The following SLC14A2 variants were observed in gnomAD, a reference collection of about 807,000 sequenced individuals.
SLC14A2 encodes solute carrier family 14 member 2.
In SLC14A2, 91 loss-of-function variants were observed where a neutral mutation model predicts 104.6. The ratio of observed to expected loss-of-function variants is 0.87; its 90% CI spans 0.73 to 1.04. The LOEUF (loss-of-function observed/expected upper bound fraction) is 1.04, where lower values mean the gene tolerates loss of function less well. Ranked by LOEUF, SLC14A2 falls within the 50% of genes least tolerant of loss-of-function variation. The pLI, the probability that SLC14A2 is intolerant of heterozygous loss-of-function variation, is 0.00. For synonymous variants in SLC14A2, 476 were observed against 466.4 expected (o/e 1.02, Z -0.27); for missense variants, 1,189 against 1,156.0 (o/e 1.03, Z -0.41).
chr18:45,679,060 T>A, intron 19 of SLC14A2, 36 bp downstream of exon 19: 1 of 1,596,664 alleles, frequency 6.3e-7, no homozygotes. Flanking sequence ...GCCTACAACA[T>A]CCTTCCTGGT....
intron 10 of SLC14A2, among the ~76,000 whole-genome samples, chr18:45,650,262 C>CTTTAGTTTAAAA (rs1357161448): frequency 4.1e-4 from 63 of 152,204 alleles, no homozygotes; most frequent in African/African-American, 1.5e-3. Flanking sequence ...GTTTAAAAAT[C>CTTTAGTTTAAAA]ATGTTTTTAG....
chr18:45,346,578 G>A (rs1481947954), intron 1 of SLC14A2, among the ~76,000 whole-genome samples: 1 of 152,092 alleles, frequency 6.6e-6, no homozygotes, highest in Non-Finnish European at 1.5e-5. Context: ...TCTTTTTAGT[G>A]GCATCTTCTG....
At chr18:45,604,894 G>A (rs184580051) in intron 2 of SLC14A2, among the ~76,000 whole-genome samples, 4 of 152,248 alleles carry the variant, frequency 2.6e-5, no homozygotes, top group Admixed American at 2.0e-4. Context: ...AGGTGGTGAT[G>A]AGCTCACAAT....
chr18:45,283,574 TATG>T (rs1313384256), intron 1 of SLC14A2, among the ~76,000 whole-genome samples: 1 of 152,248 alleles, frequency 6.6e-6, no homozygotes, highest in African/African-American at 2.4e-5. Context: ...AGCTCATTAA[TATG>T]ATGTGTGAAA....
intron 1 of SLC14A2, among the ~76,000 whole-genome samples, chr18:45,327,978 G>T (rs2085252694): frequency 6.6e-6 from 1 of 152,176 alleles, no homozygotes; most frequent in African/African-American, 2.4e-5. Flanking sequence ...TATCATGTTT[G>T]TATGGGGATA....
At chr18:45,322,036 C>T (rs7237237) in intron 1 of SLC14A2, among the ~76,000 whole-genome samples, 25,258 of 152,082 alleles carry the variant, frequency 0.17, 2,220 homozygotes, top group South Asian at 0.2. Context: ...CTGTCAGTGA[C>T]GTTTTTGATG....
At chr18:45,548,165 T>C (rs988029277) in intron 2 of SLC14A2, among the ~76,000 whole-genome samples, 1 of 152,168 alleles carries the variant, frequency 6.6e-6, no homozygotes, top group South Asian at 2.1e-4. Flanking sequence ...TGTTGTCCAG[T>C]GGAAGTTCTT....
At chr18:45,368,381 C>T (rs1322108823) in intron 1 of SLC14A2, among the ~76,000 whole-genome samples, 1 of 152,100 alleles carries the variant, frequency 6.6e-6, no homozygotes, top group Admixed American at 6.5e-5. Context: ...CCTTGCACAC[C>T]AAGAACTCAG....
chr18:45,514,135 T>C (rs1223383823), intron 2 of SLC14A2, among the ~76,000 whole-genome samples: 2 of 152,160 alleles, frequency 1.3e-5, no homozygotes, highest in Non-Finnish European at 2.9e-5. Context: ...TACACTGCTA[T>C]AAAGACATGC....
chr18:45,344,354 C>A (rs1599692064), intron 1 of SLC14A2, among the ~76,000 whole-genome samples: 2 of 152,198 alleles, frequency 1.3e-5, no homozygotes, highest in Admixed American at 1.3e-4. Context: ...CAACTTCCAA[C>A]ACCAGCCAAA....
chr18:45,359,392 G>A (rs1010905487), intron 1 of SLC14A2, among the ~76,000 whole-genome samples: 3 of 152,176 alleles, frequency 2.0e-5, no homozygotes, highest in African/African-American at 7.2e-5. Flanking sequence ...CTCCTCCTCT[G>A]CCTCTCTGCA....
chr18:45,358,954 C>G (rs574240795), intron 1 of SLC14A2, among the ~76,000 whole-genome samples: 1 of 152,328 alleles, frequency 6.6e-6, no homozygotes, highest in East Asian at 1.9e-4. Flanking sequence ...CTTTGAATAT[C>G]AGATCCAAAC....
rs140601778 is a variant in SLC14A2 at position 45,430,890 on chromosome 18, T to C, written c.-124-52343T>C. ...TCTGTGGATCCATGGAGCTGATGAC[T>C]GGAATGGACACCCAGGGAGACCTTT... is the stretch of plus-strand genomic sequence containing the variant. On this transcript the variant is annotated intron_variant, in intron 1 of 20. Coordinates refer to the SLC14A2 transcript ENST00000586448. Among the ~76,000 whole-genome samples, 71 of 152,298 alleles carry C rather than the reference T, an allele frequency of 4.7e-4. 1 individual carries two copies. The East Asian group carries it at 0.012, about 25-fold the overall frequency.
intron 1 of SLC14A2, among the ~76,000 whole-genome samples, chr18:45,452,174 TAGA>T (rs2086868999): frequency 2.0e-5 from 3 of 152,290 alleles, no homozygotes; most frequent in Admixed American, 2.0e-4. Flanking sequence ...CAAGACACTG[TAGA>T]AGTTTAGCCA....
chr18:45,386,624 C>T (rs1164837513), intron 1 of SLC14A2, among the ~76,000 whole-genome samples: 1 of 152,194 alleles, frequency 6.6e-6, no homozygotes, highest in African/African-American at 2.4e-5. Context: ...ACACATAGCG[C>T]AGACTCCTCC....
At position 45,240,670 on chromosome 18, in the gene SLC14A2, C is replaced by T. The variant is rs192871109; in HGVS notation, c.-125+27479C>T. Among the ~76,000 whole-genome samples the T allele has an allele frequency of 6.3e-3, 930 of 147,494 alleles. 18 individuals carry two copies. The highest frequency in any genetic ancestry group is 0.023 in the African/African-American group (880 of 38,884). The stretch of plus-strand genomic sequence containing the variant: ...TTTTTGTTTTTGTTTTTGGTTTTGC[C>T]TTTTTGAGACGGAGTCTTGTTCTGT... On this transcript the variant is annotated intron_variant, in intron 1 of 20. Transcript: ENST00000586448.
At chr18:45,585,853 A>T (rs1195618719) in intron 2 of SLC14A2, among the ~76,000 whole-genome samples, 1 of 152,196 alleles carries the variant, frequency 6.6e-6, no homozygotes, top group Non-Finnish European at 1.5e-5. Flanking sequence ...AGAGTCCTTG[A>T]GTGCCTGTTC....
intron 1 of SLC14A2, among the ~76,000 whole-genome samples, chr18:45,439,792 C>T (rs1184872054): frequency 6.6e-6 from 1 of 152,106 alleles, no homozygotes; most frequent in Admixed American, 6.5e-5. Flanking sequence ...TTGCAAGAAC[C>T]CAACAGAGAA....
rs538994341 is a variant in SLC14A2 at position 45,595,067 on chromosome 18, C to T, written c.-34-29564C>T. On this transcript the variant is annotated intron_variant, in intron 2 of 20. Transcript: ENST00000586448. ...CATGAAACCTTTCCACATTAACCACCCGGAAATCCAACCATCTCATTTACT... is the reference window on the plus strand; with the variant it reads ...CATGAAACCTTTCCACATTAACCACTCGGAAATCCAACCATCTCATTTACT... 5.3e-5 allele frequency among the ~76,000 whole-genome samples: 8 copies of T among 152,326 alleles called. No homozygotes were observed. The East Asian group carries it at 1.5e-3, about 29-fold the overall frequency.
Sources: allele counts gnomAD v4.1 joint callset (sites outside exome capture counted in the v4.1 genomes callset), GRCh38; gene constraint gnomAD v4.1.1; transcripts MANE v1.5; gene names NCBI Gene and HGNC (gene_info 2026-07-23, HGNC 2026-07-21).